DOCK7: variants seen among roughly 807,000 people sequenced by gnomAD.
DOCK7 encodes dedicator of cytokinesis protein 7.
A neutral mutation model predicts 271.0 loss-of-function variants in DOCK7; 138 were observed. The ratio of observed to expected loss-of-function variants is 0.51; its 90% CI spans 0.44 to 0.59. The LOEUF is 0.59. DOCK7 is among the 20% of genes least tolerant of loss of function. The probability of loss-of-function intolerance (pLI) is 0.00; values close to 1 mark genes in which losing one functional copy is unlikely to be tolerated. For missense variants in DOCK7, 2,066 were observed against 2,592.4 expected, an observed-to-expected ratio of 0.80 and a Z score of 4.41; for synonymous variants, 823 against 876.1, an observed-to-expected ratio of 0.94 and a Z score of 1.07.
At chr1:62,571,211 A>C (rs1200853063) in intron 18 of DOCK7, among the ~76,000 whole-genome samples, 4 of 152,208 alleles carry the variant, frequency 2.6e-5, no homozygotes, top group African/African-American at 9.7e-5. Context: ...ATTTACAAGA[A>C]AAAAACAACC....
chr1:62,621,280 T>C (rs1464589800), intron 12 of DOCK7, among the ~76,000 whole-genome samples: 1 of 152,166 alleles, frequency 6.6e-6, no homozygotes, highest in Non-Finnish European at 1.5e-5. Context: ...TCAACCAATA[T>C]GAAGAGACCT....
chr1:62,549,084 C>T (rs963271489), intron 22 of DOCK7, among the ~76,000 whole-genome samples: 15 of 151,910 alleles, frequency 9.9e-5, no homozygotes, highest in African/African-American at 3.4e-4. Flanking sequence ...AGGACAGAGG[C>T]CTGAAACACA....
chr1:62,491,108 A>T (rs1571275389), intron 41 of DOCK7, among the ~76,000 whole-genome samples: 1 of 152,234 alleles, frequency 6.6e-6, no homozygotes, highest in African/African-American at 2.4e-5. Flanking sequence ...AAGAAAAGTG[A>T]GGCACCAACA....
chr1:62,630,469 G>GCAC (rs1654484754), intron 11 of DOCK7, among the ~76,000 whole-genome samples: 2 of 151,984 alleles, frequency 1.3e-5, no homozygotes, highest in Non-Finnish European at 2.9e-5. Flanking sequence ...CGACAGGCAG[G>GCAC]CACCTGTCCT....
chr1:62,501,135 C>G (rs2149313377), intron 37 of DOCK7, among the ~76,000 whole-genome samples: 1 of 152,182 alleles, frequency 6.6e-6, no homozygotes, highest in East Asian at 1.9e-4. Context: ...ACTGCCTGAG[C>G]CTACGAGTTC....
chr1:62,528,827 T>C (rs1645089986), intron 30 of DOCK7, among the ~76,000 whole-genome samples: 1 of 152,252 alleles, frequency 6.6e-6, no homozygotes, highest in Non-Finnish European at 1.5e-5. Flanking sequence ...TAAAACTCTG[T>C]AGGTTCTAGT....
At chr1:62,509,312 C>CAAAAA (rs71045845) in intron 34 of DOCK7, among the ~76,000 whole-genome samples, 1 of 112,726 alleles carries the variant, frequency 8.9e-6, no homozygotes, top group Non-Finnish European at 1.8e-5. Context: ...GATCTTGTCT[C>CAAAAA]AAAAAAAAAA....
At chr1:62,571,905 G>T (rs374712503) in intron 18 of DOCK7, among the ~76,000 whole-genome samples, 2 of 152,094 alleles carry the variant, frequency 1.3e-5, no homozygotes, top group African/African-American at 4.8e-5. Context: ...CCTGTCGTTG[G>T]GGGGAGTGTG....
At chr1:62,611,406 A>G (rs991081398) in intron 14 of DOCK7, among the ~76,000 whole-genome samples, 1 of 152,206 alleles carries the variant, frequency 6.6e-6, no homozygotes, top group Non-Finnish European at 1.5e-5. Context: ...GAGCGACCTC[A>G]AATCTGAAAA....
At position 62,552,760 on chromosome 1, in the gene DOCK7, T is replaced by A. The variant is rs756330860; in HGVS notation, c.2738A>T (p.Asp913Val). The A allele has an allele frequency of 7.4e-6, 12 of 1,612,874 alleles. No homozygotes were observed. The highest frequency in any genetic ancestry group is 3.3e-4 in the Middle Eastern group (2 of 6,080). ...ACTCCCGATGATTGATCGAACTTCA[T>A]CATCTGGTGACGTGGGAGTCCCAGA... ...DISGTPTSPD[D>V]EVRSIIGSKG... Residue 913 changes from aspartate to valine, a missense_variant, in exon 22 of 50, where the codon GAT becomes GTT. Asp to Val is a radical substitution (Grantham distance 152). Around this residue, in one of 2 missense-constraint regions of DOCK7, gnomAD observed 1,414 missense variants for 1,670.4 expected, o/e 0.85. Transcript: ENST00000635253.
intron 14 of DOCK7, among the ~76,000 whole-genome samples, chr1:62,602,833 A>G (rs1231759636): frequency 6.6e-6 from 1 of 151,572 alleles, no homozygotes; most frequent in East Asian, 1.9e-4. Flanking sequence ...TAAAATTTCA[A>G]TTATTTAAAT....
At chr1:62,598,870 A>C in intron 14 of DOCK7, 1 of 965,488 alleles carries the variant, frequency 1.0e-6, no homozygotes. Context: ...ACTGAATCCT[A>C]AAATTATTTA....
At chr1:62,496,219 G>T in intron 38 of DOCK7, 120 bp downstream of exon 38, 1 of 1,082,858 alleles carries the variant, frequency 9.2e-7, no homozygotes, top group Non-Finnish European at 1.4e-6. Context: ...CACATGATGT[G>T]TGGATTGAAA....
intron 14 of DOCK7, among the ~76,000 whole-genome samples, chr1:62,589,804 C>T (rs983655994): frequency 5.3e-5 from 8 of 151,218 alleles, no homozygotes; most frequent in African/African-American, 1.9e-4. Flanking sequence ...ATGGCGTGAA[C>T]CCGGTAGGCG....
At chr1:62,457,932 T>C (rs1645395141) in intron 48 of DOCK7, 2 of 444,118 alleles carry the variant, frequency 4.5e-6, no homozygotes, top group Admixed American at 7.0e-5. Flanking sequence ...GGTGGACCAC[T>C]TGAGCCCAGG....
chr1:62,553,749 TAAATAA>T (rs938107479), intron 21 of DOCK7, among the ~76,000 whole-genome samples: 12 of 152,120 alleles, frequency 7.9e-5, no homozygotes, highest in African/African-American at 2.7e-4. Context: ...ATATGAACTA[TAAATAA>T]AATCATTATC....
intron 14 of DOCK7, among the ~76,000 whole-genome samples, chr1:62,600,512 A>C (rs915477656): frequency 6.6e-6 from 1 of 151,806 alleles, no homozygotes; most frequent in Admixed American, 6.6e-5. Context: ...TAAATTGCAA[A>C]CCCAACACAC....
chr1:62,473,317 G>T (rs937674005), intron 48 of DOCK7, among the ~76,000 whole-genome samples: 3 of 152,154 alleles, frequency 2.0e-5, no homozygotes, highest in African/African-American at 7.2e-5. Context: ...CAAGTTTACT[G>T]CTTGTAAGTA....
intron 42 of DOCK7, chr1:62,488,443 T>C: frequency 6.4e-6 from 1 of 156,110 alleles, no homozygotes; most frequent in South Asian, 1.9e-4. Flanking sequence ...CACAAAATAA[T>C]ATTTTTGTAT....
Sources: gnomAD v4.1 joint callset for allele counts (sites outside exome capture counted in the v4.1 genomes callset) on GRCh38, gnomAD v4.1.1 for gene constraint, gnomAD v4.1.1 regional missense constraint, MANE v1.5 for transcripts, NCBI Gene and HGNC (gene_info 2026-07-23, HGNC 2026-07-21) for gene names.